The following YBX1 variants were observed in gnomAD, a reference collection of about 807,000 sequenced individuals.
YBX1 encodes Y-box binding protein 1.
Under a neutral mutation model 41.4 loss-of-function variants are expected in YBX1, and 3 were observed. The observed-to-expected ratio is 0.07, with a 90% CI of 0.03 to 0.19. YBX1 has a LOEUF of 0.19. YBX1 is among the 10% of genes least tolerant of loss of function. The pLI, the probability that YBX1 is intolerant of heterozygous loss-of-function variation, is 1.00. For synonymous variants in YBX1, 133 were observed against 165.8 expected (o/e 0.80, Z 1.52); for missense variants, 274 against 462.8 (o/e 0.59, Z 3.74).
chr1:42,697,387 C>A, intron 6 of YBX1, 125 bp downstream of exon 6: 1 of 884,482 alleles, frequency 1.1e-6, no homozygotes, highest in Non-Finnish European at 1.7e-6. Flanking sequence ...TCATCAGATG[C>A]CTAAGAGGTG....
intron 6 of YBX1, among the ~76,000 whole-genome samples, 161 bp from the exon 7 acceptor site, chr1:42,700,620 C>G (rs527400810): frequency 4.2e-4 from 55 of 132,412 alleles, no homozygotes; most frequent in African/African-American, 1.5e-3. Flanking sequence ...CCCCCCCCCC[C>G]CAAAAAAAAA....
At chr1:42,697,144 T>A in intron 5 of YBX1, 36 bp from the exon 6 acceptor site, 1 of 1,597,554 alleles carries the variant, frequency 6.3e-7, no homozygotes, top group Non-Finnish European at 8.5e-7. Flanking sequence ...ATTATATTAC[T>A]GACCCAGTAG....
rs1290151904 is a variant in YBX1, at chr1:42,702,199, T to TA, written c.*251dup. The stretch of plus-strand genomic sequence containing the variant: ...TTTAAAAAAGCCTGGTTTTTCTCAA[T>TA]ACGCCTTTAAAGGTTTTTAAATTGT... On this transcript the variant is annotated 3_prime_UTR_variant, in exon 8 of 8. Coordinates refer to ENST00000321358, the MANE Select transcript of YBX1 (RefSeq NM_004559.5). 1.3e-5 allele frequency: 2 copies of TA among 152,750 alleles called. No individual in the cohort carries two copies. Among genetic ancestry groups the TA allele is most frequent in the African/African-American group, 4.8e-5 (2 of 41,468 alleles). The allele number at this position is 152,750 out of a possible 1,614,324, so 9.5% of individuals were successfully genotyped here.
intron 6 of YBX1, among the ~76,000 whole-genome samples, chr1:42,700,551 A>G (rs373742621): frequency 1.3e-5 from 2 of 150,338 alleles, no homozygotes. Context: ...GTGAGCTGTC[A>G]TCATTCCATG....
chr1:42,693,423 A>G lies in YBX1; in HGVS notation c.231-67A>G. On this transcript the variant is annotated intron_variant, in intron 2 of 7. Coordinates refer to ENST00000321358, the MANE Select transcript of YBX1 (RefSeq NM_004559.5). The stretch of plus-strand genomic sequence containing the variant: ...TTGGCAGCCAGAGAGTCTCTGGGAA[A>G]ATTAATCTTTGACAACATGAGATTT... The G allele has an allele frequency of 2.5e-6, 4 of 1,595,928 alleles. No homozygotes were observed. The South Asian group carries it at 3.3e-5, about 13-fold the overall frequency.
chr1:42,689,566 A>G (rs1379751622), intron 2 of YBX1, among the ~76,000 whole-genome samples: 1 of 152,168 alleles, frequency 6.6e-6, no homozygotes, highest in Non-Finnish European at 1.5e-5. Flanking sequence ...TTTTATGTAG[A>G]TATACAGCTA....
chr1:42,695,563 G>A lies in YBX1; in HGVS notation c.265-636G>A, dbSNP rs1336944161. On this transcript the variant is annotated intron_variant, in intron 3 of 7. Transcript: ENST00000321358. ...TCTTCCTCCCTTCTCTTAACAGTCT[G>A]GAGAAAGTAGAAGCAACAAGTCTCT... Among the ~76,000 whole-genome samples the A allele has an allele frequency of 2.0e-5, 3 of 152,230 alleles. No individual in the cohort carries two copies. In the East Asian group the frequency reaches 5.8e-4, roughly 29 times the overall value.
chr1:42,692,370 T>A (rs1650362227), intron 2 of YBX1, among the ~76,000 whole-genome samples: 1 of 152,226 alleles, frequency 6.6e-6, no homozygotes, highest in Non-Finnish European at 1.5e-5. Flanking sequence ...ATCATTTCCC[T>A]AGGCAATCCT....
chr1:42,696,890 C>T lies in YBX1; in HGVS notation c.603C>T (p.Pro201=), dbSNP rs1650474846. 6.3e-7 allele frequency: 1 copy of T among 1,580,700 alleles called. No homozygotes were observed. The highest frequency in any genetic ancestry group is 8.6e-7 in the Non-Finnish European group (1 of 1,162,076). ...TCCCACCTTACTACATGCGGAGACC[C>T]TATGGGCGTCGACCACAGTATTCCA... The part of the protein sequence containing the change: ...RRFPPYYMRR[P]YGRRPQYSNP... Residue 201 remains proline, a synonymous_variant, in exon 5 of 8, where the codon CCC becomes CCT. Coordinates refer to ENST00000321358, the MANE Select transcript of YBX1 (RefSeq NM_004559.5). The surrounding 1 kb of genome is among the most constrained non-coding windows in gnomAD (Gnocchi z 5.7).
Position 42,697,748 on chromosome 1 carries a change from G to A in YBX1, c.740+486G>A, listed in dbSNP as rs1054189458. Among the ~76,000 whole-genome samples, 8 of 152,010 alleles carry A rather than the reference G, an allele frequency of 5.3e-5. No homozygotes were observed. In the South Asian group the frequency reaches 6.3e-4, roughly 12 times the overall value. On this transcript the variant is annotated intron_variant, in intron 6 of 7. Coordinates refer to ENST00000321358, the MANE Select transcript of YBX1 (RefSeq NM_004559.5). ...GCTCCACCAAGAATTTACATTCTGC[G>A]GGGGGAAATCCAGTCTGTCGTTAGA...
chr1:42,687,270 G>C (rs1471084975), intron 2 of YBX1, among the ~76,000 whole-genome samples: 1 of 151,900 alleles, frequency 6.6e-6, no homozygotes, highest in Non-Finnish European at 1.5e-5. Flanking sequence ...AGGTAAGACT[G>C]AATATTGCCT....
chr1:42,697,722 T>G (rs1351879260), intron 6 of YBX1, among the ~76,000 whole-genome samples: 1 of 152,172 alleles, frequency 6.6e-6, no homozygotes, highest in Non-Finnish European at 1.5e-5. Context: ...AAAATGAAAT[T>G]GCTCCACCAA....
At chr1:42,698,894 G>A (rs530920843) in intron 6 of YBX1, among the ~76,000 whole-genome samples, 1 of 152,316 alleles carries the variant, frequency 6.6e-6, no homozygotes, top group Non-Finnish European at 1.5e-5. Flanking sequence ...TCAAATGAGA[G>A]TAAATGAAAC....
intron 1 of YBX1, 135 bp from the exon 2 acceptor site, chr1:42,683,268 A>C (rs1650102477): frequency 9.7e-7 from 1 of 1,035,784 alleles, no homozygotes. Context: ...GTGGCCCCGC[A>C]CCCGGGCGGT....
intron 3 of YBX1, among the ~76,000 whole-genome samples, chr1:42,693,830 G>T (rs1016601232): frequency 2.0e-5 from 3 of 152,154 alleles, no homozygotes; most frequent in African/African-American, 7.2e-5. Flanking sequence ...TGATTCTAAA[G>T]TTGAACAAAT....
chr1:42,700,967 A>G lies in YBX1; in HGVS notation c.927A>G (p.Pro309=). 6.2e-7 allele frequency: 1 copy of G among 1,614,164 alleles called. No homozygotes were observed. The highest frequency in any genetic ancestry group is 8.5e-7 in the Non-Finnish European group (1 of 1,180,028). Residue 309 remains proline, a synonymous_variant, in exon 7 of 8, where the codon CCA becomes CCG. Coordinates refer to ENST00000321358, the MANE Select transcript of YBX1 (RefSeq NM_004559.5). ...DGKETKAADP[P]AENSSAPEAE... ...AAGAGACAAAAGCAGCCGATCCACC[A>G]GCTGAGAATTCGTCCGCTCCCGAGG...
rs1650464357 is a variant in YBX1 at position 42,696,532 on chromosome 1, C to G, written c.355-110C>G. 4 of 268,010 alleles carry G rather than the reference C, an allele frequency of 1.5e-5. No individual in the cohort carries two copies. The highest frequency in any genetic ancestry group is 5.0e-5 in the Admixed American group (1 of 19,940). 16.6% of individuals were successfully genotyped at this position (268,010 alleles called of 1,614,324 possible). A position where few individuals can be genotyped will look rare whatever the true frequency, so the allele number is the denominator to read the frequency against. On this transcript the variant is annotated intron_variant, in intron 4 of 7. Coordinates refer to ENST00000321358, the MANE Select transcript of YBX1 (RefSeq NM_004559.5). This position sits in a 1 kb window ranked among gnomAD's most constrained non-coding sequence, Gnocchi z 5.7. Reference sequence around the variant, plus strand: ...TTGCGCCCCCCCCCCCTTTTTTTTCCTTAACTTTGTTGTTTTTTGCTTTGT... The same window carrying G: ...TTGCGCCCCCCCCCCCTTTTTTTTCGTTAACTTTGTTGTTTTTTGCTTTGT...
intron 1 of YBX1, chr1:42,682,989 C>A: frequency 5.7e-6 from 1 of 176,796 alleles, no homozygotes; most frequent in Non-Finnish European, 1.2e-5. Flanking sequence ...CCGCCGACCG[C>A]GTGTGCGACG....
chr1:42,683,003 T>A, intron 1 of YBX1: 1 of 208,794 alleles, frequency 4.8e-6, no homozygotes, highest in South Asian at 5.2e-5. Flanking sequence ...TGCGACGGGG[T>A]CCCCTCCCCG....
Sources: allele counts gnomAD v4.1 joint callset (sites outside exome capture counted in the v4.1 genomes callset), GRCh38; gene constraint gnomAD v4.1.1; non-coding constraint Gnocchi (gnomAD v3.1); transcripts MANE v1.5; gene names NCBI Gene and HGNC (gene_info 2026-07-23, HGNC 2026-07-21).